KIAA0825: variants seen among roughly 807,000 people sequenced by gnomAD.
KIAA0825 encodes uncharacterized protein KIAA0825.
KIAA0825 carries 119 observed loss-of-function variants against 147.6 expected under a neutral mutation model. That is an observed-to-expected ratio of 0.81 (90% CI 0.69 to 0.94). The LOEUF (loss-of-function observed/expected upper bound fraction) is 0.94. KIAA0825 is among the 40% of genes least tolerant of loss of function. KIAA0825 has a pLI of 0.00. For missense variants in KIAA0825, 1,381 were observed against 1,472.7 expected, an observed-to-expected ratio of 0.94 and a Z score of 1.02; for synonymous variants, 470 against 518.1, an observed-to-expected ratio of 0.91 and a Z score of 1.26.
chr5:94,275,428 T>G (rs928002614), intron 20 of KIAA0825, among the ~76,000 whole-genome samples: 1 of 152,180 alleles, frequency 6.6e-6, no homozygotes, highest in African/African-American at 2.4e-5. Context: ...AAACTTTAGA[T>G]AGCCTATATT....
chr5:94,364,721 C>T (rs948785566), intron 20 of KIAA0825, among the ~76,000 whole-genome samples: 3 of 152,144 alleles, frequency 2.0e-5, no homozygotes, highest in African/African-American at 7.2e-5. Context: ...TATTTCTCAT[C>T]TCCCAATATA....
At chr5:94,167,766 G>A (rs913782615) in intron 20 of KIAA0825, among the ~76,000 whole-genome samples, 3 of 151,796 alleles carry the variant, frequency 2.0e-5, no homozygotes, top group Non-Finnish European at 4.4e-5. Context: ...TAATATTACA[G>A]AGGTTCCATG....
At chr5:94,422,173 C>T (rs1754265255) in intron 14 of KIAA0825, among the ~76,000 whole-genome samples, 1 of 152,174 alleles carries the variant, frequency 6.6e-6, no homozygotes, top group African/African-American at 2.4e-5. Flanking sequence ...TGACCTACTA[C>T]TGCCCTTTTA....
intron 17 of KIAA0825, among the ~76,000 whole-genome samples, chr5:94,394,041 G>A (rs1002778718): frequency 4.0e-5 from 6 of 151,368 alleles, no homozygotes; most frequent in East Asian, 1.9e-4. Context: ...TTGTAGAGAC[G>A]GGGTTTCATC....
At chr5:94,521,635 T>G (rs1006355129) in intron 4 of KIAA0825, among the ~76,000 whole-genome samples, 1 of 151,708 alleles carries the variant, frequency 6.6e-6, no homozygotes, top group African/African-American at 2.4e-5. Context: ...AAAGATGATA[T>G]GAAATTATTC....
At chr5:94,182,239 A>T (rs1390209142) in intron 20 of KIAA0825, among the ~76,000 whole-genome samples, 5 of 50,916 alleles carry the variant, frequency 9.8e-5, no homozygotes, top group Non-Finnish European at 4.3e-5. Context: ...ACATAACTTA[A>T]AATGTCCCTT....
chr5:94,593,758 T>C (rs1461423861), intron 1 of KIAA0825: 17 of 358,724 alleles, frequency 4.7e-5, no homozygotes, highest in South Asian at 3.2e-4. Flanking sequence ...AACTCAAGCA[T>C]TGACTTTTCT....
intron 16 of KIAA0825, among the ~76,000 whole-genome samples, chr5:94,400,976 G>A (rs1423254957): frequency 6.6e-6 from 1 of 151,904 alleles, no homozygotes; most frequent in Admixed American, 6.6e-5. Flanking sequence ...CTTTTAGTAA[G>A]TTAGATTTTT....
At chr5:94,513,808 T>A (rs959811031) in intron 5 of KIAA0825, among the ~76,000 whole-genome samples, 13 of 151,950 alleles carry the variant, frequency 8.6e-5, no homozygotes, top group Non-Finnish European at 8.8e-5. Flanking sequence ...ATAAATAATT[T>A]TCAGAGAAAA....
At chr5:94,427,043 T>C (rs1363269889) in intron 14 of KIAA0825, among the ~76,000 whole-genome samples, 1 of 152,192 alleles carries the variant, frequency 6.6e-6, no homozygotes, top group African/African-American at 2.4e-5. Flanking sequence ...ATATTTTTTA[T>C]CTTGTCTTGT....
intron 18 of KIAA0825, among the ~76,000 whole-genome samples, chr5:94,390,489 G>A (rs547086270): frequency 5.2e-4 from 79 of 152,300 alleles, no homozygotes; most frequent in Non-Finnish European, 6.9e-4. Context: ...AGAGTGAATA[G>A]GTTGTGTTGC....
intron 2 of KIAA0825, among the ~76,000 whole-genome samples, chr5:94,546,517 CAGAGAGAGAGAG>C (rs34483380): frequency 3.4e-5 from 5 of 149,062 alleles, no homozygotes; most frequent in Non-Finnish European, 7.4e-5. Context: ...TGGCTCAGCA[CAGAGAGAGAGAG>C]AGAGAGAGAG....
chr5:94,336,156 G>A (rs1781765909), intron 20 of KIAA0825, among the ~76,000 whole-genome samples: 1 of 152,036 alleles, frequency 6.6e-6, no homozygotes, highest in African/African-American at 2.4e-5. Context: ...GATCACCTGA[G>A]GTCAGGAGTT....
At chr5:94,529,306 TATATATCATATATATGTATATATC>T (rs1770148782) in intron 3 of KIAA0825, among the ~76,000 whole-genome samples, 2 of 144,002 alleles carry the variant, frequency 1.4e-5, no homozygotes, top group South Asian at 2.1e-4. Flanking sequence ...CATATATATG[TATATATCATATATATGTATATATC>T]ATATATATGT....
intron 1 of KIAA0825, among the ~76,000 whole-genome samples, chr5:94,584,290 G>GA (rs1782821663): frequency 1.3e-5 from 2 of 152,070 alleles, no homozygotes; most frequent in Admixed American, 6.5e-5. Context: ...TAAAAACCTT[G>GA]AAAAAAGGTT....
rs114764041 is a variant in KIAA0825 at position 94,504,662 on chromosome 5, C to T, written c.970+15586G>A. On this transcript the variant is annotated intron_variant, in intron 5 of 20. Transcript: ENST00000682413. Reference sequence around the variant, plus strand: ...CAGATAAATTATAAATCTTTATTAACACAGGCTGCCTGATTAGAATTCTCT... The same window carrying T: ...CAGATAAATTATAAATCTTTATTAATACAGGCTGCCTGATTAGAATTCTCT... Among the ~76,000 whole-genome samples the T allele has an allele frequency of 3.5e-3, 532 of 151,874 alleles. 3 individuals are homozygous for T. Among genetic ancestry groups the T allele is most frequent in the Non-Finnish European group, 5.2e-3 (352 of 67,934 alleles).
intron 3 of KIAA0825, among the ~76,000 whole-genome samples, chr5:94,533,110 C>T (rs1771187162): frequency 1.3e-5 from 2 of 151,368 alleles, no homozygotes; most frequent in South Asian, 4.2e-4. Context: ...TCCTGAGTAG[C>T]TGGGACTACA....
intron 5 of KIAA0825, among the ~76,000 whole-genome samples, chr5:94,513,876 TATA>T (rs543122615): frequency 0.01 from 1,559 of 151,980 alleles, 10 homozygotes; most frequent in Non-Finnish European, 0.017. Flanking sequence ...AGAAAAAAAT[TATA>T]ATGTCAGACT....
intron 20 of KIAA0825, among the ~76,000 whole-genome samples, chr5:94,273,163 A>G (rs148407369): frequency 7.9e-5 from 12 of 152,302 alleles, no homozygotes; most frequent in African/African-American, 1.9e-4. Context: ...TAAAATGAAG[A>G]TAATAGCAGT....
Sources: allele counts gnomAD v4.1 joint callset (sites outside exome capture counted in the v4.1 genomes callset), GRCh38; gene constraint gnomAD v4.1.1; transcripts MANE v1.5; gene names NCBI Gene and HGNC (gene_info 2026-07-23, HGNC 2026-07-21).